The following COL4A6 variants were observed in gnomAD, a reference collection of about 807,000 sequenced individuals.
COL4A6 encodes collagen type IV alpha 6 chain.
Under a neutral mutation model 126.7 loss-of-function variants are expected in COL4A6, and 59 were observed. The observed-to-expected ratio is 0.47, with a 90% CI of 0.38 to 0.58. The LOEUF (loss-of-function observed/expected upper bound fraction) is 0.58, where lower values mean the gene tolerates loss of function less well. Ranked by LOEUF, COL4A6 falls within the 20% of genes least tolerant of loss-of-function variation. The pLI, the probability that COL4A6 is intolerant of heterozygous loss-of-function variation, is 0.00. For synonymous variants in COL4A6, 547 were observed against 496.6 expected (o/e 1.10, Z -1.35); for missense variants, 1,285 against 1,337.3 (o/e 0.96, Z 0.61).
At chrX:108,412,713 T>C (rs776409108) in intron 2 of COL4A6, among the ~76,000 whole-genome samples, 2 of 112,147 alleles carry the variant, frequency 1.8e-5, no homozygotes, top group East Asian at 5.6e-4. Context: ...ATGGGAAAGG[T>C]AGGATTCTGA....
rs768884286 is a variant in COL4A6 at position 108,157,055 on chromosome X, G to A, written c.5018C>T (p.Ala1673Val). 4.1e-6 allele frequency: 5 copies of A among 1,211,880 alleles called. No individual in the cohort carries two copies. The highest frequency in any genetic ancestry group is 5.6e-6 in the Non-Finnish European group (5 of 895,520). The change falls in exon 45 of 45, where the codon GCT becomes GTT. Residue 1673 changes from alanine to valine, a missense_variant. Physicochemically the swap from Ala to Val is moderately conservative, Grantham distance 64 (BLOSUM62 0). Coordinates refer to ENST00000334504, the MANE Select transcript of COL4A6 (RefSeq NM_033641.4). Reference sequence around the variant, plus strand: ...ACTGACTCGAGTGTGGAGCTGCCCAGCTTTCAGCGTTTCAGACACAGGCAA... The same window carrying A: ...ACTGACTCGAGTGTGGAGCTGCCCAACTTTCAGCGTTTCAGACACAGGCAA... Reference protein sequence around the residue: ...GELPVSETLKAGQLHTRVSRC... With the variant: ...GELPVSETLKVGQLHTRVSRC...
At chrX:108,348,136 G>A (rs1177111048) in intron 2 of COL4A6, among the ~76,000 whole-genome samples, 1 of 111,925 alleles carries the variant, frequency 8.9e-6, no homozygotes, top group Non-Finnish European at 1.9e-5. Flanking sequence ...AGTGGAAAAG[G>A]CTGAGACTGT....
intron 2 of COL4A6, among the ~76,000 whole-genome samples, chrX:108,348,565 T>C (rs1351388969): frequency 1.8e-5 from 2 of 112,241 alleles, no homozygotes; most frequent in Non-Finnish European, 3.8e-5. Context: ...ATTTTTTTGG[T>C]AGTTTAAATT....
intron 3 of COL4A6, among the ~76,000 whole-genome samples, chrX:108,293,798 T>C (rs2038240908): frequency 8.9e-6 from 1 of 112,280 alleles, no homozygotes; most frequent in South Asian, 3.7e-4. Context: ...CAGTCAGCGA[T>C]TTAAAGCCAA....
chrX:108,224,797 T>G (rs762922313), intron 3 of COL4A6, among the ~76,000 whole-genome samples: 6 of 111,713 alleles, frequency 5.4e-5, no homozygotes, highest in African/African-American at 1.3e-4. Flanking sequence ...CAGCTAAAGC[T>G]TAATATTAAC....
chrX:108,211,286 C>T lies in COL4A6; in HGVS notation c.510+386G>A, dbSNP rs1224882305. Among the ~76,000 whole-genome samples the T allele has an allele frequency of 4.5e-5, 5 of 111,931 alleles. No homozygotes were observed. In the Admixed American group the frequency reaches 4.7e-4, roughly 11 times the overall value. On this transcript the variant is annotated intron_variant, in intron 7 of 44. Transcript: ENST00000334504. ...CAGAACCAGGATCTTTGGCTAAAGG[C>T]CATGTTGAGATGGGCAGAGACATAC... is the stretch of plus-strand genomic sequence containing the variant.
At chrX:108,282,527 G>C (rs953179780) in intron 3 of COL4A6, among the ~76,000 whole-genome samples, 24 of 111,353 alleles carry the variant, frequency 2.2e-4, no homozygotes, top group African/African-American at 7.9e-4. Flanking sequence ...GGAGAAATAC[G>C]AACAGTTTTA....
chrX:108,263,453 G>A (rs2076435652), intron 3 of COL4A6, among the ~76,000 whole-genome samples: 1 of 111,914 alleles, frequency 8.9e-6, no homozygotes, highest in African/African-American at 3.2e-5. Flanking sequence ...GCTTAGGACC[G>A]TGGTTCCCAT....
At chrX:108,336,579 T>C (rs1450736775) in intron 2 of COL4A6, among the ~76,000 whole-genome samples, 2 of 111,063 alleles carry the variant, frequency 1.8e-5, no homozygotes, top group East Asian at 2.8e-4. Context: ...TGTACAATAT[T>C]GTGAGTGTAC....
intron 3 of COL4A6, among the ~76,000 whole-genome samples, chrX:108,297,948 CGT>C (rs1280869501): frequency 1.9e-5 from 2 of 107,742 alleles, no homozygotes; most frequent in Non-Finnish European, 3.8e-5. Flanking sequence ...CTCTCTCTCA[CGT>C]GTGTGTGTGA....
rs751145888 is a variant in COL4A6, at chrX:108,179,326, G to A, written c.2244C>T (p.Ala748=). 1 of 1,210,991 alleles carries A rather than the reference G, an allele frequency of 8.3e-7. No homozygotes were observed. Among genetic ancestry groups the A allele is most frequent in the South Asian group, 1.8e-5 (1 of 56,905 alleles). The change falls in exon 26 of 45, where the codon GCC becomes GCT. Residue 748 remains alanine, a synonymous_variant. Coordinates refer to ENST00000334504, the MANE Select transcript of COL4A6 (RefSeq NM_033641.4). ...TTTCAGCACCAAAGATGTCACCAGT[G>A]GCTCCCTTGGAACCAGGTAAGCCTG... is the stretch of plus-strand genomic sequence containing the variant. The part of the protein sequence containing the change: ...GSPGLPGSKG[A]TGDIFGAENG...
intron 5 of COL4A6, among the ~76,000 whole-genome samples, chrX:108,218,674 T>A (rs1463615197): frequency 9.0e-6 from 1 of 111,559 alleles, no homozygotes; most frequent in African/African-American, 3.3e-5. Flanking sequence ...CAAAAAGAGA[T>A]TTGAACCCCT....
At chrX:108,391,772 C>T (rs1200661168) in intron 2 of COL4A6, among the ~76,000 whole-genome samples, 1 of 112,397 alleles carries the variant, frequency 8.9e-6, no homozygotes, top group East Asian at 2.8e-4. Flanking sequence ...GGAAATCCCC[C>T]GACCCCTTGT....
chrX:108,209,981 C>A lies in COL4A6; in HGVS notation c.534G>T (p.Leu178=). 1.7e-6 allele frequency: 2 copies of A among 1,209,657 alleles called. No homozygotes were observed. Among genetic ancestry groups the A allele is most frequent in the Non-Finnish European group, 2.2e-6 (2 of 894,372 alleles). ...AATAACAACTTACAGTGATTCCATC[C>A]AGTCCAGGCAGCCCAGGATCCCCCT... ...GMKGDPGLPG[L]DGITGPQGAP... is the part of the protein sequence containing the mutation. The change falls in exon 8 of 45, where the codon CTG becomes CTT. Residue 178 remains leucine, a synonymous_variant. Coordinates refer to ENST00000334504, the MANE Select transcript of COL4A6 (RefSeq NM_033641.4).
chrX:108,339,025 C>T (rs773019525), intron 2 of COL4A6, among the ~76,000 whole-genome samples: 98 of 111,529 alleles, frequency 8.8e-4, no homozygotes, highest in Non-Finnish European at 5.5e-4. Flanking sequence ...TGGCCACACA[C>T]CTGCTCTCTC....
At chrX:108,315,853 T>C (rs774225286) in intron 2 of COL4A6, among the ~76,000 whole-genome samples, 9 of 112,093 alleles carry the variant, frequency 8.0e-5, no homozygotes, top group Non-Finnish European at 1.3e-4. Flanking sequence ...ATCAGGACCA[T>C]GTCTTATGCT....
At chrX:108,356,797 A>G in intron 2 of COL4A6, among the ~76,000 whole-genome samples, 2 of 111,656 alleles carry the variant, frequency 1.8e-5, no homozygotes, top group South Asian at 7.6e-4. Context: ...CAAGTCATCA[A>G]TACAGACAGC....
At chrX:108,342,078 G>A (rs1603122538) in intron 2 of COL4A6, among the ~76,000 whole-genome samples, 1 of 111,995 alleles carries the variant, frequency 8.9e-6, no homozygotes, top group African/African-American at 3.2e-5. Flanking sequence ...CCAAGGCTAG[G>A]AAGAACCTCT....
At chrX:108,358,610 G>A (rs932263973) in intron 2 of COL4A6, among the ~76,000 whole-genome samples, 3 of 110,790 alleles carry the variant, frequency 2.7e-5, no homozygotes, top group African/African-American at 9.9e-5. Flanking sequence ...GGCCAGGCTG[G>A]TCTCGAACTC....
Sources: allele counts gnomAD v4.1 joint callset (sites outside exome capture counted in the v4.1 genomes callset), GRCh38; gene constraint gnomAD v4.1.1; transcripts MANE v1.5; gene names NCBI Gene and HGNC (gene_info 2026-07-23, HGNC 2026-07-21).